The following MIS18A variants were observed in gnomAD, a reference collection of about 807,000 sequenced individuals.
MIS18A encodes MIS18 kinetochore protein A.
MIS18A carries 14 observed loss-of-function variants against 25.0 expected under a neutral mutation model. The observed-to-expected ratio is 0.56, with a 90% CI of 0.37 to 0.88. The LOEUF is 0.88. MIS18A is among the 40% of genes least tolerant of loss of function. MIS18A has a pLI of 0.00. For synonymous variants in MIS18A, 134 were observed against 118.6 expected, an observed-to-expected ratio of 1.13 and a Z score of -0.84; for missense variants, 292 against 290.8, an observed-to-expected ratio of 1.00 and a Z score of -0.03.
chr21:32,252,233 AAGAAGAAGGAGGAGGAGGAGGAGG>A, the MIS18A span, among the ~76,000 whole-genome samples: 43 of 53,866 alleles, frequency 8.0e-4, no homozygotes, highest in South Asian at 2.1e-3. Flanking sequence ...GAAGAAGAAG[AAGAAGAAGGAGGAGGAGGAGGAGG>A]AGGAGGAGGA....
the MIS18A span, among the ~76,000 whole-genome samples, chr21:32,211,958 T>G: frequency 2.0e-5 from 3 of 152,206 alleles, no homozygotes; most frequent in Non-Finnish European, 4.4e-5. Context: ...ATCTCTCCCC[T>G]GGCACTCTGA....
intron 2 of MIS18A, among the ~76,000 whole-genome samples, chr21:32,271,029 TA>T (rs936833858): frequency 6.6e-6 from 1 of 151,362 alleles, no homozygotes; most frequent in East Asian, 1.9e-4. Context: ...CTTGGCTTAA[TA>T]AAAAAAAAGT....
At chr21:32,238,303 G>A in the MIS18A span, among the ~76,000 whole-genome samples, 1 of 152,174 alleles carries the variant, frequency 6.6e-6, no homozygotes, top group African/African-American at 2.4e-5. Context: ...CCAAATCTCA[G>A]TGACTTTATA....
chr21:32,203,566 T>C, the MIS18A span, among the ~76,000 whole-genome samples: 2 of 148,066 alleles, frequency 1.4e-5, no homozygotes, highest in Non-Finnish European at 3.0e-5. Context: ...TAGCAATCTA[T>C]ATCTAGCTAA....
At chr21:32,256,226 G>C in the MIS18A span, among the ~76,000 whole-genome samples, 1 of 151,978 alleles carries the variant, frequency 6.6e-6, no homozygotes, top group African/African-American at 2.4e-5. Flanking sequence ...CCATTGACTG[G>C]GCCACCCCAA....
At chr21:32,244,880 C>G in the MIS18A span, among the ~76,000 whole-genome samples, 2 of 152,130 alleles carry the variant, frequency 1.3e-5, no homozygotes, top group African/African-American at 4.8e-5. Flanking sequence ...TAAAAGTATG[C>G]TCCTGGTACA....
chr21:32,163,893 G>A, the MIS18A span, among the ~76,000 whole-genome samples: 2 of 152,174 alleles, frequency 1.3e-5, no homozygotes, highest in South Asian at 2.1e-4. Context: ...AAAGAGGTGT[G>A]CAAGAAACTT....
the MIS18A span, among the ~76,000 whole-genome samples, chr21:32,162,990 C>A: frequency 6.6e-6 from 1 of 152,156 alleles, no homozygotes; most frequent in South Asian, 2.1e-4. Context: ...AGCCAGAAAT[C>A]CAGCAGAGCC....
At chr21:32,218,288 T>A in the MIS18A span, among the ~76,000 whole-genome samples, 2 of 151,608 alleles carry the variant, frequency 1.3e-5, no homozygotes. Flanking sequence ...TCCTTCCAGC[T>A]GAAGTGATAA....
intron 4 of MIS18A, 81 bp downstream of exon 4, chr21:32,269,626 G>T: frequency 1.3e-6 from 1 of 796,090 alleles, no homozygotes; most frequent in Non-Finnish European, 2.1e-6. Context: ...ATGACGTTAT[G>T]AGAATTATCG....
chr21:32,184,331 G>A, the MIS18A span, among the ~76,000 whole-genome samples: 1 of 152,226 alleles, frequency 6.6e-6, no homozygotes, highest in Non-Finnish European at 1.5e-5. Flanking sequence ...CTTCCATACT[G>A]AGAAGATAAA....
chr21:32,248,643 G>A, the MIS18A span, among the ~76,000 whole-genome samples: 1 of 152,216 alleles, frequency 6.6e-6, no homozygotes, highest in Non-Finnish European at 1.5e-5. Flanking sequence ...AGGCCAGAGA[G>A]CTTAACCCAG....
At chr21:32,198,607 C>G in the MIS18A span, among the ~76,000 whole-genome samples, 1 of 152,304 alleles carries the variant, frequency 6.6e-6, no homozygotes, top group South Asian at 2.1e-4. Context: ...TCCAGAGGAG[C>G]CCAGCAGGGA....
intron 4 of MIS18A, 80 bp downstream of exon 4, chr21:32,269,627 A>G: frequency 1.2e-6 from 1 of 801,414 alleles, no homozygotes; most frequent in South Asian, 1.6e-5. Flanking sequence ...TGACGTTATG[A>G]GAATTATCGT....
chr21:32,212,519 C>T, the MIS18A span, among the ~76,000 whole-genome samples: 1 of 152,168 alleles, frequency 6.6e-6, no homozygotes, highest in Non-Finnish European at 1.5e-5. Context: ...AGTAGGGGTG[C>T]TGCTCAGGTG....
the MIS18A span, among the ~76,000 whole-genome samples, chr21:32,241,860 GA>G: frequency 2.6e-5 from 4 of 151,496 alleles, no homozygotes; most frequent in African/African-American, 9.7e-5. Context: ...TTTCATACCA[GA>G]AAGGATTTTG....
the MIS18A span, among the ~76,000 whole-genome samples, chr21:32,221,892 G>GA: frequency 6.7e-5 from 10 of 148,732 alleles, no homozygotes; most frequent in East Asian, 2.0e-4. Flanking sequence ...CTCCAAAAAA[G>GA]AAAAAAAAAG....
At chr21:32,265,076 T>C (rs1379927694), downstream of MIS18A, among the ~76,000 whole-genome samples, 1 of 151,978 alleles carries the variant, frequency 6.6e-6, no homozygotes, top group Admixed American at 6.6e-5. Flanking sequence ...GCCGAAGGAG[T>C]AACTTCTGGG....
chr21:32,247,173 A>G, the MIS18A span, among the ~76,000 whole-genome samples: 1 of 151,684 alleles, frequency 6.6e-6, no homozygotes. Flanking sequence ...CTACCTACCC[A>G]CCCCATTTCA....
Sources: gnomAD v4.1 joint callset for allele counts (sites outside exome capture counted in the v4.1 genomes callset) on GRCh38, gnomAD v4.1.1 for gene constraint, MANE v1.5 for transcripts, NCBI Gene and HGNC (gene_info 2026-07-23, HGNC 2026-07-21) for gene names.